NLGN4X: variants seen among roughly 807,000 people sequenced by gnomAD.
NLGN4X encodes neuroligin-4, X-linked.
NLGN4X carries 3 observed loss-of-function variants against 40.3 expected under a neutral mutation model. That is an observed-to-expected ratio of 0.07 (90% CI 0.03 to 0.19). The LOEUF (loss-of-function observed/expected upper bound fraction) is 0.19, where lower values mean the gene tolerates loss of function less well. Among genes scored for constraint, NLGN4X ranks in the 10% least tolerant of loss-of-function variants. The probability of loss-of-function intolerance (pLI) is 1.00; values close to 1 mark genes in which losing one functional copy is unlikely to be tolerated. For missense variants in NLGN4X, 382 were observed against 708.3 expected, an observed-to-expected ratio of 0.54 and a Z score of 5.23; for synonymous variants, 270 against 306.8, an observed-to-expected ratio of 0.88 and a Z score of 1.25.
At chrX:5,936,897 G>A (rs1482026245) in intron 3 of NLGN4X, among the ~76,000 whole-genome samples, 1 of 111,849 alleles carries the variant, frequency 8.9e-6, no homozygotes, top group Non-Finnish European at 1.9e-5. Flanking sequence ...GCTGAGAGTT[G>A]TAGCATCCAG....
chrX:5,893,212 G>A lies in NLGN4X; in HGVS notation c.2056C>T (p.Leu686Phe). Reference protein sequence around the residue: ...SVTIAVGASLLFLNILAFAAL... With the variant: ...SVTIAVGASLFFLNILAFAAL... ...GCAAAAGCTAAGATGTTGAGGAAGA[G>A]GAGCGACGCCCCGACGGCAATGGTG... Residue 686 changes from leucine to phenylalanine, a missense_variant, in exon 6 of 6, where the codon CTC becomes TTC. Physicochemically the swap from Leu to Phe is conservative, Grantham distance 22 (BLOSUM62 0). Around this residue, in one of 5 missense-constraint regions of NLGN4X, gnomAD observed 149 missense variants for 375.8 expected, o/e 0.40. Transcript: ENST00000381095. The A allele has an allele frequency of 8.3e-7, 1 of 1,211,557 alleles. No homozygotes were observed. The highest frequency in any genetic ancestry group is 1.1e-6 in the Non-Finnish European group (1 of 895,433).
intron 1 of NLGN4X, among the ~76,000 whole-genome samples, chrX:6,160,988 T>C (rs1417792422): frequency 9.1e-5 from 9 of 99,358 alleles, no homozygotes; most frequent in Admixed American, 3.5e-4. Context: ...ATATATAATA[T>C]AGGATATAAA....
rs138044084 is a variant in NLGN4X, at chrX:6,077,845, G to A, written c.473-48413C>T. Among the ~76,000 whole-genome samples, 13 of 111,459 alleles carry A rather than the reference G, an allele frequency of 1.2e-4. No homozygotes were observed. The East Asian group carries it at 3.1e-3, about 27-fold the overall frequency. On this transcript the variant is annotated intron_variant, in intron 2 of 5. Coordinates refer to ENST00000381095, the MANE Select transcript of NLGN4X (RefSeq NM_181332.3). Reference sequence around the variant, plus strand: ...GTATGTCTCTTTTGCCAGATACAGGGATTGTTCTTTGATTGGCAAATGACA... The same window carrying A: ...GTATGTCTCTTTTGCCAGATACAGGAATTGTTCTTTGATTGGCAAATGACA...
intron 3 of NLGN4X, among the ~76,000 whole-genome samples, chrX:5,945,153 T>C (rs1477409189): frequency 9.0e-6 from 1 of 111,534 alleles, no homozygotes; most frequent in Non-Finnish European, 1.9e-5. Context: ...CAATAAGTAA[T>C]GATAAATACC....
Position 5,893,118 on chromosome X carries a change from G to T in NLGN4X, c.2150C>A (p.Thr717Asn), listed in dbSNP as rs1398505989. ...THRRPSPQRN[T>N]TNDIAHIQNE... is the part of the protein sequence containing the mutation. ...CTGGATGTGAGCGATATCATTTGTG[G>T]TGTTTCTCTGGGGACTGGGGCGCCT... Residue 717 changes from threonine to asparagine, a missense_variant, in exon 6 of 6, where the codon ACC (threonine) becomes AAC (asparagine). By Grantham distance (65) the Thr-to-Asn change is moderately conservative. Coordinates refer to ENST00000381095, the MANE Select transcript of NLGN4X (RefSeq NM_181332.3). 1 of 1,211,612 alleles carries T rather than the reference G, an allele frequency of 8.3e-7. No homozygotes were observed. The highest frequency in any genetic ancestry group is 1.1e-6 in the Non-Finnish European group (1 of 895,455).
At chrX:6,134,630 TAAACTACATGTTTGCTA>T (rs1465709248) in intron 2 of NLGN4X, among the ~76,000 whole-genome samples, 4 of 112,594 alleles carry the variant, frequency 3.6e-5, no homozygotes, top group Non-Finnish European at 7.5e-5. Flanking sequence ...AATAAATGAA[TAAACTACATGTTTGCTA>T]ATGCCTGGGG....
intron 2 of NLGN4X, among the ~76,000 whole-genome samples, chrX:6,030,065 C>A (rs1362355151): frequency 9.0e-6 from 1 of 111,267 alleles, no homozygotes; most frequent in African/African-American, 3.3e-5. Flanking sequence ...CCAGTGATTA[C>A]AGTAACATAC....
At chrX:6,028,776 A>C (rs1420946328) in intron 3 of NLGN4X, among the ~76,000 whole-genome samples, 3 of 112,717 alleles carry the variant, frequency 2.7e-5, no homozygotes. Context: ...GACAAAAGTC[A>C]ACTAACAGCT....
At chrX:6,054,485 T>C (rs975584536) in intron 2 of NLGN4X, among the ~76,000 whole-genome samples, 3 of 110,392 alleles carry the variant, frequency 2.7e-5, no homozygotes, top group Non-Finnish European at 5.7e-5. Flanking sequence ...CTAGGTGTAG[T>C]GGTGCATGCC....
intron 2 of NLGN4X, among the ~76,000 whole-genome samples, chrX:6,103,082 G>A (rs1286649747): frequency 8.9e-6 from 1 of 111,934 alleles, no homozygotes; most frequent in Admixed American, 9.5e-5. Flanking sequence ...GGGTGTGCAG[G>A]TGGTATCCTG....
chrX:6,011,392 T>G (rs1474655315), intron 3 of NLGN4X, among the ~76,000 whole-genome samples: 1 of 108,866 alleles, frequency 9.2e-6, no homozygotes, highest in African/African-American at 3.3e-5. Flanking sequence ...TATATATGTA[T>G]ACACACATAC....
chrX:5,946,421 T>C (rs1228470807), intron 3 of NLGN4X, among the ~76,000 whole-genome samples: 2 of 111,686 alleles, frequency 1.8e-5, no homozygotes, highest in Non-Finnish European at 3.8e-5. Context: ...AAATATTTTG[T>C]ACAGTCTCTG....
intron 2 of NLGN4X, among the ~76,000 whole-genome samples, chrX:6,132,958 A>G (rs1248942775): frequency 8.9e-6 from 1 of 111,833 alleles, no homozygotes; most frequent in Non-Finnish European, 1.9e-5. Context: ...GAACATGGTA[A>G]GTTTGAAACA....
chrX:5,932,117 T>C (rs1447666769), intron 3 of NLGN4X, among the ~76,000 whole-genome samples: 1 of 111,398 alleles, frequency 9.0e-6, no homozygotes, highest in Non-Finnish European at 1.9e-5. Flanking sequence ...ATGGCCACTA[T>C]GGGCTTTTCC....
intron 3 of NLGN4X, among the ~76,000 whole-genome samples, chrX:5,999,506 A>C (rs1423118931): frequency 8.9e-6 from 1 of 112,305 alleles, no homozygotes; most frequent in Non-Finnish European, 1.9e-5. Flanking sequence ...ATCAGAACCA[A>C]GAAAATATGA....
intron 3 of NLGN4X, among the ~76,000 whole-genome samples, chrX:5,999,094 G>A (rs1353138877): frequency 9.0e-6 from 1 of 111,692 alleles, no homozygotes; most frequent in African/African-American, 3.3e-5. Context: ...GAGCCTGAAA[G>A]CAAACTAAAA....
chrX:5,998,565 A>AT (rs772597469), intron 3 of NLGN4X, among the ~76,000 whole-genome samples: 91 of 112,233 alleles, frequency 8.1e-4, no homozygotes, highest in Non-Finnish European at 1.1e-3. Context: ...TATGAAAATG[A>AT]TTTTGTGTCA....
At chrX:6,122,099 G>A (rs1015460293) in intron 2 of NLGN4X, among the ~76,000 whole-genome samples, 6 of 112,292 alleles carry the variant, frequency 5.3e-5, no homozygotes, top group Non-Finnish European at 1.1e-4. Context: ...GTGGATGGAA[G>A]TGATAGGGAG....
At chrX:6,062,922 T>C (rs2037806817) in intron 2 of NLGN4X, among the ~76,000 whole-genome samples, 1 of 110,871 alleles carries the variant, frequency 9.0e-6, no homozygotes, top group Admixed American at 9.7e-5. Flanking sequence ...AACAGACTAA[T>C]ACACTGCTCT....
Sources: gnomAD v4.1 joint callset for allele counts (sites outside exome capture counted in the v4.1 genomes callset) on GRCh38, gnomAD v4.1.1 for gene constraint, gnomAD v4.1.1 regional missense constraint, MANE v1.5 for transcripts, NCBI Gene and HGNC (gene_info 2026-07-23, HGNC 2026-07-21) for gene names.